Variants in REPS2 observed in about 807,000 individuals in gnomAD.
REPS2 encodes ralBP1-associated Eps domain-containing protein 2.
In REPS2, 23 loss-of-function variants were observed where a neutral mutation model predicts 53.6. The observed-to-expected ratio is 0.43, with a 90% CI of 0.31 to 0.61. The LOEUF (loss-of-function observed/expected upper bound fraction) is 0.61. Among genes scored for constraint, REPS2 ranks in the 20% least tolerant of loss-of-function variants. The pLI, the probability that REPS2 is intolerant of heterozygous loss-of-function variation, is 0.11. For synonymous variants in REPS2, 238 were observed against 218.6 expected (o/e 1.09, Z -0.78); for missense variants, 446 against 534.9 (o/e 0.83, Z 1.64).
In REPS2 at chrX:17,070,373, A is replaced by G. The variant is rs573678463; in HGVS notation, c.1333+380A>G. On this transcript the variant is annotated intron_variant, in intron 11 of 17. Coordinates refer to ENST00000357277, the MANE Select transcript of REPS2 (RefSeq NM_004726.3). Reference sequence around the variant, plus strand: ...GATCAATTGGAGGCCCAGAGTTGGTATTTTCCATTTCCAAAGCAGAAATCT... The same window carrying G: ...GATCAATTGGAGGCCCAGAGTTGGTGTTTTCCATTTCCAAAGCAGAAATCT... 1.2e-3 allele frequency among the ~76,000 whole-genome samples: 140 copies of G among 112,160 alleles called. No individual in the cohort carries two copies. In the Middle Eastern group the frequency reaches 0.019, roughly 15 times the overall value.
intron 1 of REPS2, among the ~76,000 whole-genome samples, chrX:16,980,729 T>G (rs1409649592): frequency 8.9e-6 from 1 of 112,382 alleles, no homozygotes; most frequent in Non-Finnish European, 1.9e-5. Flanking sequence ...ATATATTTTA[T>G]TTTTGCACTT....
At chrX:17,060,731 G>A (rs1224810569) in intron 8 of REPS2, among the ~76,000 whole-genome samples, 3 of 111,247 alleles carry the variant, frequency 2.7e-5, no homozygotes, top group African/African-American at 9.8e-5. Context: ...ACAGTGGCTG[G>A]CGTGCACAGA....
Position 16,951,555 on chromosome X carries a change from ACACACC to A in REPS2, c.273+4423_273+4428del, listed in dbSNP as rs1296264441. ...CACACACACACACACACACACACAC[ACACACC>A]CCCGCTACCTACCTCTCTCTGGGGC... is the stretch of plus-strand genomic sequence containing the variant. On this transcript the variant is annotated intron_variant, in intron 1 of 17. Transcript: ENST00000357277. Among the ~76,000 whole-genome samples the A allele has an allele frequency of 8.7e-3, 208 of 23,995 alleles. 8 individuals are homozygous for A. Among genetic ancestry groups the A allele is most frequent in the South Asian group, 0.014 (5 of 346 alleles). The allele number at this position is 23,995 out of a possible 115,157, so 20.8% of individuals were successfully genotyped here.
At chrX:16,951,996 A>ATATCT (rs2060520362) in intron 1 of REPS2, among the ~76,000 whole-genome samples, 1 of 112,132 alleles carries the variant, frequency 8.9e-6, no homozygotes, top group Admixed American at 9.5e-5. Flanking sequence ...AATTTTGTGC[A>ATATCT]TATCTTTTTA....
intron 14 of REPS2, among the ~76,000 whole-genome samples, chrX:17,112,743 T>A (rs1174562529): frequency 1.8e-5 from 2 of 110,498 alleles, no homozygotes; most frequent in African/African-American, 3.3e-5. Context: ...TATAAACACT[T>A]AACATTAAAA....
At chrX:17,139,028 T>C (rs2063410102) in intron 17 of REPS2, 67 bp downstream of exon 17, 1 of 622,942 alleles carries the variant, frequency 1.6e-6, no homozygotes, top group Non-Finnish European at 2.5e-6. Flanking sequence ...TTTTTTTTAA[T>C]TTAATAGGCA....
At chrX:16,955,810 C>CG (rs766780696) in intron 1 of REPS2, among the ~76,000 whole-genome samples, 84 of 111,819 alleles carry the variant, frequency 7.5e-4, no homozygotes, top group African/African-American at 2.6e-3. Flanking sequence ...GAGAATTTTG[C>CG]GGGGGACACC....
intron 1 of REPS2, among the ~76,000 whole-genome samples, chrX:16,953,146 A>C (rs866896926): frequency 6.6e-5 from 6 of 91,394 alleles, no homozygotes; most frequent in South Asian, 5.0e-4. Context: ...CACACACACA[A>C]ACACACAAAC....
chrX:17,140,738 T>A (rs1228208545), intron 17 of REPS2, among the ~76,000 whole-genome samples: 1 of 12,535 alleles, frequency 8.0e-5, no homozygotes, highest in East Asian at 1.1e-3. Flanking sequence ...TGCACAAATA[T>A]TATTATTATT....
chrX:17,149,668 G>C lies in REPS2; in HGVS notation c.*2187G>C, dbSNP rs2063551186. 8.9e-6 allele frequency: 1 copy of C among 112,437 alleles called. No individual in the cohort carries two copies. The highest frequency in any genetic ancestry group is 3.2e-5 in the African/African-American group (1 of 30,981). The allele number at this position is 112,437 out of a possible 1,213,427, so 9.3% of individuals were successfully genotyped here. On this transcript the variant is annotated 3_prime_UTR_variant, in exon 18 of 18. Transcript: ENST00000357277. The stretch of plus-strand genomic sequence containing the variant: ...TTGGCTTTTGGTAAATTCAATCCAG[G>C]AAAGACTAGCATGTGCACTTTATCT...
In REPS2 at chrX:17,127,518, C is replaced by T. The variant is rs746412748; in HGVS notation, c.1579-6306C>T. On this transcript the variant is annotated intron_variant, in intron 14 of 17. Transcript: ENST00000357277. ...AAGAAAAGGAGTAGATATTTCCAGG[C>T]TTCTGCCTGCTGTGGCATAGAGAAG... Among the ~76,000 whole-genome samples, 12 of 111,785 alleles carry T rather than the reference C, an allele frequency of 1.1e-4. No individual in the cohort carries two copies. In the South Asian group the frequency reaches 4.1e-3, roughly 39 times the overall value.
At chrX:17,172,323 C>T in the REPS2 span, among the ~76,000 whole-genome samples, 1 of 111,358 alleles carries the variant, frequency 9.0e-6, no homozygotes, top group East Asian at 2.8e-4. Context: ...GTGATTGGAT[C>T]ATGGGGGTGG....
At chrX:17,126,280 A>AG (rs2063209429) in intron 14 of REPS2, among the ~76,000 whole-genome samples, 2 of 111,084 alleles carry the variant, frequency 1.8e-5, no homozygotes, top group African/African-American at 6.6e-5. Context: ...CCAAAGCGAG[A>AG]GGGGAGGGGA....
At chrX:17,088,477 A>G (rs1470575947) in intron 13 of REPS2, among the ~76,000 whole-genome samples, 2 of 111,250 alleles carry the variant, frequency 1.8e-5, no homozygotes, top group African/African-American at 6.5e-5. Context: ...TGAAGTGTCA[A>G]TGCTAAAAGA....
At chrX:17,159,534 C>G in the REPS2 span, among the ~76,000 whole-genome samples, 2 of 111,239 alleles carry the variant, frequency 1.8e-5, no homozygotes, top group Non-Finnish European at 3.8e-5. Context: ...GTTAGACTGC[C>G]TGGATTCAAA....
chrX:17,105,157 G>C (rs1264129681), intron 14 of REPS2, among the ~76,000 whole-genome samples: 1 of 110,824 alleles, frequency 9.0e-6, no homozygotes, highest in Admixed American at 9.6e-5. Context: ...GGCTCCTCCT[G>C]TCACCATCAC....
chrX:16,966,695 A>C (rs938874349), intron 1 of REPS2, among the ~76,000 whole-genome samples: 1 of 111,976 alleles, frequency 8.9e-6, no homozygotes, highest in Non-Finnish European at 1.9e-5. Context: ...GGGATGCTTA[A>C]TCTGCAGCTC....
the REPS2 span, among the ~76,000 whole-genome samples, chrX:17,162,252 T>C: frequency 8.9e-6 from 1 of 112,531 alleles, no homozygotes; most frequent in Non-Finnish European, 1.9e-5. Context: ...GCTCATCCAG[T>C]GTGAACTGCC....
chrX:16,984,637 A>C (rs1319893963), intron 1 of REPS2, among the ~76,000 whole-genome samples: 1 of 112,190 alleles, frequency 8.9e-6, no homozygotes, highest in Non-Finnish European at 1.9e-5. Context: ...GTACTTTAAG[A>C]TACTTAAATC....
Sources: allele counts gnomAD v4.1 joint callset (sites outside exome capture counted in the v4.1 genomes callset), GRCh38; gene constraint gnomAD v4.1.1; transcripts MANE v1.5; gene names NCBI Gene and HGNC (gene_info 2026-07-23, HGNC 2026-07-21).